C5orf24: variants seen among roughly 807,000 people sequenced by gnomAD.
C5orf24 encodes the protein chromosome 5 open reading frame 24.
A neutral mutation model predicts 9.8 loss-of-function variants in C5orf24; 4 were observed. That is an observed-to-expected ratio of 0.41 (90% CI 0.20 to 0.93). C5orf24 has a LOEUF of 0.93. Among genes scored for constraint, C5orf24 ranks in the 40% least tolerant of loss-of-function variants. The probability of loss-of-function intolerance (pLI) is 0.33; values close to 1 mark genes in which losing one functional copy is unlikely to be tolerated. For missense variants in C5orf24, 170 were observed against 236.9 expected, an observed-to-expected ratio of 0.72 and a Z score of 1.85; for synonymous variants, 73 against 81.3, an observed-to-expected ratio of 0.90 and a Z score of 0.55.
At chr5:134,843,304 T>G (rs34765815), upstream of C5orf24, among the ~76,000 whole-genome samples, 17,449 of 152,122 alleles carry the variant, frequency 0.11, 1,368 homozygotes, top group East Asian at 0.34. Flanking sequence ...TATTCAAGAT[T>G]TTATTGGAAT....
chr5:134,849,046 G>T (rs1756079094), intron 1 of C5orf24, among the ~76,000 whole-genome samples: 1 of 151,472 alleles, frequency 6.6e-6, no homozygotes, highest in Non-Finnish European at 1.5e-5. Flanking sequence ...CACGAGGTCA[G>T]GAGTTCAACA....
intron 1 of C5orf24, chr5:134,846,492 C>G (rs1374220680): frequency 6.6e-6 from 1 of 152,216 alleles, no homozygotes; most frequent in Non-Finnish European, 1.5e-5. Context: ...CCTGCCGGCT[C>G]GAGATCGGCG....
chr5:134,846,591 C>G lies in C5orf24; in HGVS notation c.-4+379C>G, dbSNP rs1756002692. 3 of 152,338 alleles carry G rather than the reference C, an allele frequency of 2.0e-5. No individual in the cohort carries two copies. In the South Asian group the frequency reaches 6.2e-4, roughly 32 times the overall value. 9.4% of individuals were successfully genotyped at this position (152,338 alleles called of 1,614,324 possible). ...TGAATTTTGCTTTTTAGAGGGTACA[C>G]AACCCTTTCTCTAGGGTGGCGTGCA... On this transcript the variant is annotated intron_variant, in intron 1 of 1. Coordinates refer to ENST00000394976, the MANE Select transcript of C5orf24 (RefSeq NM_001135586.1).
chr5:134,859,005 T>G lies in C5orf24; in HGVS notation c.*3538T>G, dbSNP rs1367072827. Reference sequence around the variant, plus strand: ...TTCATGAACTAAGAATAGAGTTTCTTTGAGTTGAGGAGAAAAAAATATATA... The same window carrying G: ...TTCATGAACTAAGAATAGAGTTTCTGTGAGTTGAGGAGAAAAAAATATATA... On this transcript the variant is annotated 3_prime_UTR_variant, in exon 2 of 2. Transcript: ENST00000394976. 6.0e-6 allele frequency: 1 copy of G among 166,952 alleles called. No homozygotes were observed. The highest frequency in any genetic ancestry group is 2.4e-5 in the African/African-American group (1 of 41,438). 10.3% of individuals were successfully genotyped at this position (166,952 alleles called of 1,614,324 possible).
At chr5:134,841,527 C>T (rs1199418114), upstream of C5orf24, among the ~76,000 whole-genome samples, 3 of 152,004 alleles carry the variant, frequency 2.0e-5, no homozygotes, top group African/African-American at 7.2e-5. Flanking sequence ...GTGGAGGTTG[C>T]AGGGAACCAA....
rs1352258024 is a variant in C5orf24, at chr5:134,859,159, G to T, written c.*3692G>T. ...GAAGCTTTAAAAGAACAATTCAGGG[G>T]TTATTGATAACTGCTACTCTGTCGG... is the stretch of plus-strand genomic sequence containing the variant. On this transcript the variant is annotated 3_prime_UTR_variant, in exon 2 of 2. Transcript: ENST00000394976. The T allele has an allele frequency of 6.0e-6, 1 of 166,884 alleles. No individual in the cohort carries two copies. Among genetic ancestry groups the T allele is most frequent in the African/African-American group, 2.4e-5 (1 of 41,416 alleles). The allele number at this position is 166,884 out of a possible 1,614,324, so 10.3% of individuals were successfully genotyped here.
intron 1 of C5orf24, among the ~76,000 whole-genome samples, chr5:134,853,501 G>A (rs1756220381): frequency 6.9e-6 from 1 of 144,746 alleles, no homozygotes. Flanking sequence ...AGACAAAATA[G>A]AGACTTTGGA....
Position 134,855,504 on chromosome 5 carries a change from A to T in C5orf24, c.*37A>T, listed in dbSNP as rs1314251731. On this transcript the variant is annotated 3_prime_UTR_variant, in exon 2 of 2. Coordinates refer to ENST00000394976, the MANE Select transcript of C5orf24 (RefSeq NM_001135586.1). ...AAAGAGGGCCAGGTTTAGAAGGAAGATTGTGAATAATCCCAAAGCTTCTTG... is the reference window on the plus strand; with the variant it reads ...AAAGAGGGCCAGGTTTAGAAGGAAGTTTGTGAATAATCCCAAAGCTTCTTG... 2.5e-6 allele frequency: 4 copies of T among 1,606,538 alleles called. No homozygotes were observed. The South Asian group carries it at 3.3e-5, about 13-fold the overall frequency.
At chr5:134,838,734 CAGG>C in the C5orf24 span, among the ~76,000 whole-genome samples, 2 of 150,204 alleles carry the variant, frequency 1.3e-5, no homozygotes, top group South Asian at 4.2e-4. Flanking sequence ...CACTTGAGGC[CAGG>C]AGTCTGAGAC....
upstream of C5orf24, chr5:134,845,783 GC>G (rs1052507893): frequency 2.6e-5 from 4 of 152,280 alleles, no homozygotes; most frequent in African/African-American, 7.2e-5. Flanking sequence ...CTCAACCCCA[GC>G]CACTGGGGAC....
chr5:134,843,057 A>G (rs1473621456), upstream of C5orf24, among the ~76,000 whole-genome samples: 1 of 151,434 alleles, frequency 6.6e-6, no homozygotes, highest in Admixed American at 6.6e-5. Context: ...GCTCACCGCA[A>G]CCTCCACCTC....
At chr5:134,837,624 C>T in the C5orf24 span, among the ~76,000 whole-genome samples, 1 of 151,478 alleles carries the variant, frequency 6.6e-6, no homozygotes, top group Non-Finnish European at 1.5e-5. Context: ...TAAAAGAGAC[C>T]CCAGTGAACT....
At chr5:134,850,884 G>A (rs1481115218) in intron 1 of C5orf24, among the ~76,000 whole-genome samples, 1 of 150,170 alleles carries the variant, frequency 6.7e-6, no homozygotes, top group African/African-American at 2.5e-5. Flanking sequence ...AGCTGAGACT[G>A]TATATCCTGA....
At chr5:134,848,459 C>G (rs1561885464) in intron 1 of C5orf24, among the ~76,000 whole-genome samples, 1 of 150,206 alleles carries the variant, frequency 6.7e-6, no homozygotes, top group Non-Finnish European at 1.5e-5. Context: ...GAGTTTGAGA[C>G]CAGCCTGGCC....
rs527703471 is a variant in C5orf24, at chr5:134,847,202, A to G, written c.-4+990A>G. On this transcript the variant is annotated intron_variant, in intron 1 of 1. Transcript: ENST00000394976. Reference sequence around the variant, plus strand: ...CTTCAAGGATGGTAAGTTTTAGCTTATGCTTTAAGTATTCGAATTTAGTCA... The same window carrying G: ...CTTCAAGGATGGTAAGTTTTAGCTTGTGCTTTAAGTATTCGAATTTAGTCA... Among the ~76,000 whole-genome samples the G allele has an allele frequency of 5.3e-5, 8 of 152,352 alleles. No homozygotes were observed. In the East Asian group the frequency reaches 1.5e-3, roughly 29 times the overall value.
rs1755988953 is a variant in C5orf24 at position 134,846,225 on chromosome 5, G to T, written c.-4+13G>T. 3 of 152,416 alleles carry T rather than the reference G, an allele frequency of 2.0e-5. No homozygotes were observed. Among genetic ancestry groups the T allele is most frequent in the East Asian group, 1.9e-4 (1 of 5,204 alleles). The allele number at this position is 152,416 out of a possible 1,614,324, so 9.4% of individuals were successfully genotyped here. A position where few individuals can be genotyped will look rare whatever the true frequency, so the allele number is the denominator to read the frequency against. ...ACGAGCGGCTGAGGTAGGTAGGGGT[G>T]CGCGGGCTGGTCAGCCGGCCGGGAG... On this transcript the variant is annotated intron_variant, in intron 1 of 1. Coordinates refer to ENST00000394976, the MANE Select transcript of C5orf24 (RefSeq NM_001135586.1).
At chr5:134,837,657 A>G in the C5orf24 span, among the ~76,000 whole-genome samples, 1 of 151,056 alleles carries the variant, frequency 6.6e-6, no homozygotes, top group South Asian at 2.1e-4. Context: ...CTGCCATGTG[A>G]GAACATAGCA....
intron 1 of C5orf24, among the ~76,000 whole-genome samples, chr5:134,853,374 A>C (rs533810420): frequency 2.7e-4 from 41 of 150,916 alleles, no homozygotes; most frequent in East Asian, 7.8e-4. Flanking sequence ...AAAAAAAAAA[A>C]AAAAAACCTG....
chr5:134,855,809 ATTAG>A lies in C5orf24; in HGVS notation c.*345_*348del. 8.9e-7 allele frequency: 1 copy of A among 1,129,016 alleles called. No homozygotes were observed. Among genetic ancestry groups the A allele is most frequent in the Middle Eastern group, 4.0e-4 (1 of 2,502 alleles). 69.9% of individuals were successfully genotyped at this position (1,129,016 alleles called of 1,614,324 possible). A position where few individuals can be genotyped will look rare whatever the true frequency, so the allele number is the denominator to read the frequency against. ...ATAAACAACTGAAACCATTATACCT[ATTAG>A]TTTGTGAAGTAAGCCTACAGTATAA... On this transcript the variant is annotated 3_prime_UTR_variant, in exon 2 of 2. Coordinates refer to ENST00000394976, the MANE Select transcript of C5orf24 (RefSeq NM_001135586.1).
Sources: gnomAD v4.1 joint callset for allele counts (sites outside exome capture counted in the v4.1 genomes callset) on GRCh38, gnomAD v4.1.1 for gene constraint, MANE v1.5 for transcripts, NCBI Gene and HGNC (gene_info 2026-07-23, HGNC 2026-07-21) for gene names.